TRPC4AP: variants seen among roughly 807,000 people sequenced by gnomAD.
The protein encoded by TRPC4AP is short transient receptor potential channel 4-associated protein.
In TRPC4AP, 45 loss-of-function variants were observed where a neutral mutation model predicts 99.0. The observed-to-expected ratio is 0.45, with a 90% CI of 0.36 to 0.58. TRPC4AP has a LOEUF of 0.58. TRPC4AP is among the 20% of genes least tolerant of loss of function. The pLI, the probability that TRPC4AP is intolerant of heterozygous loss-of-function variation, is 0.00. For synonymous variants in TRPC4AP, 408 were observed against 385.8 expected (o/e 1.06, Z -0.67); for missense variants, 879 against 985.3 (o/e 0.89, Z 1.44).
rs2082520998 is a variant in TRPC4AP at position 35,006,495 on chromosome 20, C to G, written c.1767G>C (p.Leu589=). The G allele has an allele frequency of 3.1e-6, 5 of 1,614,106 alleles. No homozygotes were observed. The highest frequency in any genetic ancestry group is 1.3e-5 in the African/African-American group (1 of 74,932). ...LQSYFDLLGE[L]MKFNVDAFKR... is the part of the protein sequence containing the mutation. ...TGAATGCATCAACGTTGAACTTCAT[C>G]AGCTCCCCCAGGAGGTCAAAGTAAC... Residue 589 remains leucine, a synonymous_variant, in exon 15 of 19, where the codon CTG becomes CTC. Coordinates refer to ENST00000252015, the MANE Select transcript of TRPC4AP (RefSeq NM_015638.3).
intron 2 of TRPC4AP, among the ~76,000 whole-genome samples, chr20:35,070,191 A>G (rs1024231598): frequency 6.6e-5 from 10 of 152,300 alleles, no homozygotes; most frequent in African/African-American, 2.4e-4. Context: ...CACTCAGTCA[A>G]CCAAGAATTG....
At chr20:35,081,355 GA>G (rs1223137324) in intron 1 of TRPC4AP, among the ~76,000 whole-genome samples, 190 of 138,496 alleles carry the variant, frequency 1.4e-3, no homozygotes, top group Admixed American at 3.6e-3. Flanking sequence ...TCTACCAAAG[GA>G]AAAAAAAAAA....
intron 8 of TRPC4AP, among the ~76,000 whole-genome samples, chr20:35,032,937 T>A (rs2083235711): frequency 6.6e-6 from 1 of 151,794 alleles, no homozygotes; most frequent in African/African-American, 2.4e-5. Context: ...GTGTGGTAGC[T>A]CACGCCTGTA....
chr20:35,044,415 A>AG (rs398038439), intron 7 of TRPC4AP, 90 bp downstream of exon 7: 2 of 1,210,162 alleles, frequency 1.7e-6, no homozygotes, highest in Non-Finnish European at 2.3e-6. Context: ...AAAAAAAAAA[A>AG]GAAAAGAAAA....
At chr20:35,061,266 CACTT>C (rs2083999882) in intron 3 of TRPC4AP, among the ~76,000 whole-genome samples, 1 of 152,104 alleles carries the variant, frequency 6.6e-6, no homozygotes, top group Non-Finnish European at 1.5e-5. Context: ...ACAGTAAAAA[CACTT>C]AGAAATAAGT....
In TRPC4AP at chr20:35,054,962, G is replaced by A. The variant is rs373262090; in HGVS notation, c.528+14C>T. The A allele has an allele frequency of 5.0e-6, 8 of 1,608,602 alleles. No individual in the cohort carries two copies. The African/African-American group carries it at 1.1e-4, about 21-fold the overall frequency. On this transcript the variant is annotated intron_variant, in intron 5 of 18. Coordinates refer to ENST00000252015, the MANE Select transcript of TRPC4AP (RefSeq NM_015638.3). ...AGGGGAGATAAACAGAGCCCCAGTG[G>A]CAGGGGTACTTACACAGACACAGGT...
chr20:35,078,523 T>C (rs1288086944), intron 1 of TRPC4AP, among the ~76,000 whole-genome samples: 2 of 152,064 alleles, frequency 1.3e-5, no homozygotes, highest in Non-Finnish European at 2.9e-5. Context: ...TGAAAAATAA[T>C]GGAACCATAT....
chr20:35,082,062 C>A (rs2084661067), intron 1 of TRPC4AP, among the ~76,000 whole-genome samples: 1 of 152,002 alleles, frequency 6.6e-6, no homozygotes, highest in Non-Finnish European at 1.5e-5. Flanking sequence ...ATAAAAATGG[C>A]AAACTGGATA....
intron 2 of TRPC4AP, among the ~76,000 whole-genome samples, chr20:35,071,877 T>C (rs1032974216): frequency 2.0e-5 from 3 of 149,840 alleles, no homozygotes; most frequent in Non-Finnish European, 4.5e-5. Context: ...TCCACAATGG[T>C]TGAACTAGTT....
In TRPC4AP at chr20:35,057,335, A is replaced by G. The variant is rs566969555; in HGVS notation, c.472+179T>C. Among the ~76,000 whole-genome samples, 9 of 152,338 alleles carry G rather than the reference A, an allele frequency of 5.9e-5. No homozygotes were observed. In the East Asian group the frequency reaches 1.7e-3, roughly 29 times the overall value. ...TTAACCCAGATCTGAATTTCTACGCAGTACAGAATGAATAAAGACAGCTGC... is the reference window on the plus strand; with the variant it reads ...TTAACCCAGATCTGAATTTCTACGCGGTACAGAATGAATAAAGACAGCTGC... On this transcript the variant is annotated intron_variant, in intron 4 of 18. Coordinates refer to ENST00000252015, the MANE Select transcript of TRPC4AP (RefSeq NM_015638.3).
intron 8 of TRPC4AP, among the ~76,000 whole-genome samples, chr20:35,024,825 C>CAA (rs778161091): frequency 0.031 from 1,118 of 35,700 alleles, 141 homozygotes; most frequent in African/African-American, 0.12. Context: ...GAGACCGTCT[C>CAA]AAAAAAAAAA....
chr20:35,051,383 C>T lies in TRPC4AP; in HGVS notation c.529-1389G>A, dbSNP rs141487375. Among the ~76,000 whole-genome samples, 5 of 152,300 alleles carry T rather than the reference C, an allele frequency of 3.3e-5. No individual in the cohort carries two copies. The East Asian group carries it at 7.7e-4, about 24-fold the overall frequency. On this transcript the variant is annotated intron_variant, in intron 5 of 18. Coordinates refer to ENST00000252015, the MANE Select transcript of TRPC4AP (RefSeq NM_015638.3). ...TATTCACAAGTACGAATATAGCTCACTACAGCCTCAATCACCTGGGCTCAA... is the reference window on the plus strand; with the variant it reads ...TATTCACAAGTACGAATATAGCTCATTACAGCCTCAATCACCTGGGCTCAA...
Position 35,044,586 on chromosome 20 carries a change from C to A in TRPC4AP, c.784G>T (p.Asp262Tyr). ...TISEMDTGND[D>Y]KHTLLAKNAQ... Reference sequence around the variant, plus strand: ...TTTTTGGCAAGAAGCGTGTGCTTGTCATCATTCCCTGTATCCATCTCTGAA... The same window carrying A: ...TTTTTGGCAAGAAGCGTGTGCTTGTAATCATTCCCTGTATCCATCTCTGAA... Residue 262 changes from aspartate (D) to tyrosine (Y), a missense_variant, in exon 7 of 19, where the codon GAC (aspartate) becomes TAC (tyrosine). By Grantham distance (160) the Asp-to-Tyr change is radical. Coordinates refer to ENST00000252015, the MANE Select transcript of TRPC4AP (RefSeq NM_015638.3). 6.2e-7 allele frequency: 1 copy of A among 1,614,132 alleles called. No individual in the cohort carries two copies. Among genetic ancestry groups the A allele is most frequent in the South Asian group, 1.1e-5 (1 of 91,082 alleles).
chr20:35,049,795 T>C (rs752562836), intron 6 of TRPC4AP, 71 bp downstream of exon 6: 9 of 1,506,210 alleles, frequency 6.0e-6, no homozygotes, highest in Admixed American at 2.2e-5. Context: ...GCTCTGTATA[T>C]TATTCAGTTT....
chr20:35,015,030 GCT>G (rs949599071), intron 10 of TRPC4AP, among the ~76,000 whole-genome samples: 1 of 152,068 alleles, frequency 6.6e-6, no homozygotes, highest in African/African-American at 2.4e-5. Context: ...CAGTGTCTTT[GCT>G]CTGTCACCCA....
intron 6 of TRPC4AP, among the ~76,000 whole-genome samples, chr20:35,045,082 A>T (rs542336320): frequency 9.8e-5 from 15 of 152,296 alleles, no homozygotes; most frequent in African/African-American, 2.9e-4. Flanking sequence ...TTGCTTTTTT[A>T]AAAAATAAAA....
At chr20:35,090,623 C>A (rs1260793578) in intron 1 of TRPC4AP, among the ~76,000 whole-genome samples, 1 of 152,180 alleles carries the variant, frequency 6.6e-6, no homozygotes, top group Non-Finnish European at 1.5e-5. Context: ...ATCCACCCGC[C>A]TCGACCTCCC....
intron 5 of TRPC4AP, among the ~76,000 whole-genome samples, chr20:35,050,773 T>C (rs1444772512): frequency 6.7e-6 from 1 of 150,210 alleles, no homozygotes; most frequent in Non-Finnish European, 1.5e-5. Flanking sequence ...CCAAGGGGTA[T>C]GAAGGAAGTT....
intron 7 of TRPC4AP, among the ~76,000 whole-genome samples, chr20:35,038,469 T>C (rs936882235): frequency 6.6e-6 from 1 of 152,162 alleles, no homozygotes; most frequent in Non-Finnish European, 1.5e-5. Flanking sequence ...AATAGAATAT[T>C]ATATAATTAC....
Sources: gnomAD v4.1 joint callset for allele counts (sites outside exome capture counted in the v4.1 genomes callset) on GRCh38, gnomAD v4.1.1 for gene constraint, MANE v1.5 for transcripts, NCBI Gene and HGNC (gene_info 2026-07-23, HGNC 2026-07-21) for gene names.